Variants in FAM222B observed in about 807,000 individuals in gnomAD.
FAM222B encodes the protein protein FAM222B.
A neutral mutation model predicts 38.0 loss-of-function variants in FAM222B; 12 were observed. That is an observed-to-expected ratio of 0.32 (90% CI 0.20 to 0.51). The LOEUF (loss-of-function observed/expected upper bound fraction) is 0.51, where lower values mean the gene tolerates loss of function less well. Among genes scored for constraint, FAM222B ranks in the 20% least tolerant of loss-of-function variants. The pLI, the probability that FAM222B is intolerant of heterozygous loss-of-function variation, is 0.97. For missense variants in FAM222B, 716 were observed against 754.2 expected, an observed-to-expected ratio of 0.95 and a Z score of 0.59; for synonymous variants, 329 against 317.2, an observed-to-expected ratio of 1.04 and a Z score of -0.40.
intron 1 of FAM222B, among the ~76,000 whole-genome samples, chr17:28,805,932 G>A (rs549784799): frequency 9.6e-4 from 146 of 151,992 alleles, no homozygotes; most frequent in Middle Eastern, 3.4e-3. Flanking sequence ...ACCTGAGGTC[G>A]GGAGTTCGAG....
chr17:28,832,749 A>G (rs570167157), intron 1 of FAM222B, among the ~76,000 whole-genome samples: 17 of 152,322 alleles, frequency 1.1e-4, no homozygotes, highest in African/African-American at 3.6e-4. Flanking sequence ...AGAGAAATAC[A>G]TAAGTCTGTT....
chr17:28,793,309 C>A (rs980272370), intron 1 of FAM222B, among the ~76,000 whole-genome samples: 1 of 152,116 alleles, frequency 6.6e-6, no homozygotes, highest in African/African-American at 2.4e-5. Flanking sequence ...AAGTGTCATG[C>A]AAACTCTCTT....
At chr17:28,772,695 G>A (rs1353179277) in intron 1 of FAM222B, among the ~76,000 whole-genome samples, 1 of 151,896 alleles carries the variant, frequency 6.6e-6, no homozygotes, top group East Asian at 1.9e-4. Flanking sequence ...AGGAGTTCGA[G>A]ACCAGCCTGG....
intron 1 of FAM222B, among the ~76,000 whole-genome samples, chr17:28,820,555 A>G (rs2038174464): frequency 6.6e-6 from 1 of 152,216 alleles, no homozygotes; most frequent in African/African-American, 2.4e-5. Context: ...CACTCCCATC[A>G]GGCCTTTAAA....
At chr17:28,771,447 C>T (rs150480691) in intron 1 of FAM222B, among the ~76,000 whole-genome samples, 2 of 152,072 alleles carry the variant, frequency 1.3e-5, no homozygotes, top group Admixed American at 6.6e-5. Context: ...TTTGGGAGGC[C>T]GAGGCAGGGG....
chr17:28,808,944 T>A (rs758859976), intron 1 of FAM222B, among the ~76,000 whole-genome samples: 1 of 152,210 alleles, frequency 6.6e-6, no homozygotes, highest in Non-Finnish European at 1.5e-5. Flanking sequence ...TTCTTTCACC[T>A]TCTCAAGGGG....
intron 1 of FAM222B, among the ~76,000 whole-genome samples, chr17:28,836,600 C>T (rs1456412528): frequency 6.6e-6 from 1 of 151,862 alleles, no homozygotes; most frequent in South Asian, 2.1e-4. Context: ...GGGTCGTGAT[C>T]GATTGAGCAA....
chr17:28,837,691 C>T (rs1278065599), intron 1 of FAM222B, among the ~76,000 whole-genome samples: 4 of 148,312 alleles, frequency 2.7e-5, no homozygotes, highest in African/African-American at 9.9e-5. Context: ...CTCGCTGTTT[C>T]GCCCAGGGTG....
intron 1 of FAM222B, among the ~76,000 whole-genome samples, chr17:28,793,032 A>C (rs2036775462): frequency 6.6e-6 from 1 of 151,590 alleles, no homozygotes; most frequent in South Asian, 2.1e-4. Flanking sequence ...CTCCCACCTC[A>C]GTCTTCCCCA....
At chr17:28,792,172 C>T (rs950575453) in intron 1 of FAM222B, among the ~76,000 whole-genome samples, 1 of 151,312 alleles carries the variant, frequency 6.6e-6, no homozygotes, top group African/African-American at 2.4e-5. Context: ...ATTAGCTGGG[C>T]GTGATGGCAG....
rs1373448218 is a variant in FAM222B, at chr17:28,758,279, C to A, written c.1680G>T (p.Gly560=). 4 of 1,583,712 alleles carry A rather than the reference C, an allele frequency of 2.5e-6. No individual in the cohort carries two copies. The African/African-American group carries it at 5.4e-5, about 21-fold the overall frequency. Residue 560 remains glycine (G), a synonymous_variant, in exon 3 of 3, where the codon GGG becomes GGT. Coordinates refer to ENST00000581407, the MANE Select transcript of FAM222B (RefSeq NM_001077498.3). ...AGGGCAGCAGGGCTACCTATCTATA[C>A]CCTGGGTGCTGAATATGAAGACTTC... ...ESRSLHIQHP[G]YR
chr17:28,816,135 A>C (rs1039317780), intron 1 of FAM222B, among the ~76,000 whole-genome samples: 2 of 151,506 alleles, frequency 1.3e-5, no homozygotes, highest in Admixed American at 6.6e-5. Flanking sequence ...AAATTAGCCC[A>C]GTATGGTAGT....
At chr17:28,780,557 G>C (rs1216910677) in intron 1 of FAM222B, among the ~76,000 whole-genome samples, 2 of 151,720 alleles carry the variant, frequency 1.3e-5, no homozygotes, top group African/African-American at 2.4e-5. Context: ...TTTATTCAAA[G>C]AGGTGAAAGA....
At chr17:28,772,531 T>C (rs2035682216) in intron 1 of FAM222B, among the ~76,000 whole-genome samples, 1 of 136,844 alleles carries the variant, frequency 7.3e-6, no homozygotes, top group Admixed American at 8.6e-5. Flanking sequence ...GAGACCATCC[T>C]GGCTAACACA....
At chr17:28,780,792 G>C (rs2036134719) in intron 1 of FAM222B, among the ~76,000 whole-genome samples, 3 of 152,010 alleles carry the variant, frequency 2.0e-5, no homozygotes, top group Non-Finnish European at 4.4e-5. Flanking sequence ...TGCAGCAGGA[G>C]AATCGCCTGA....
intron 1 of FAM222B, among the ~76,000 whole-genome samples, chr17:28,799,512 T>C (rs1201402581): frequency 6.6e-6 from 1 of 150,994 alleles, no homozygotes; most frequent in Non-Finnish European, 1.5e-5. Flanking sequence ...GGTTTCACAG[T>C]GTTCGCCAGG....
chr17:28,833,095 G>C (rs2038721622), intron 1 of FAM222B, among the ~76,000 whole-genome samples: 1 of 151,764 alleles, frequency 6.6e-6, no homozygotes, highest in Admixed American at 6.6e-5. Flanking sequence ...GGCTGAGGCA[G>C]GCGGATAACA....
chr17:28,834,588 G>A (rs1049859497), intron 1 of FAM222B: 1 of 151,952 alleles, frequency 6.6e-6, no homozygotes, highest in African/African-American at 2.4e-5. Flanking sequence ...TCTTTCTCTA[G>A]GAAGTCTTCT....
intron 1 of FAM222B, among the ~76,000 whole-genome samples, chr17:28,841,242 C>A (rs1346118309): frequency 1.3e-5 from 2 of 152,016 alleles, no homozygotes; most frequent in Non-Finnish European, 2.9e-5. Flanking sequence ...TTGCTGTGAG[C>A]CGAGATGATG....
Sources: gnomAD v4.1 joint callset for allele counts (sites outside exome capture counted in the v4.1 genomes callset) on GRCh38, gnomAD v4.1.1 for gene constraint, MANE v1.5 for transcripts, NCBI Gene and HGNC (gene_info 2026-07-23, HGNC 2026-07-21) for gene names.